TRIM35: variants seen among roughly 807,000 people sequenced by gnomAD.
TRIM35 encodes the protein E3 ubiquitin-protein ligase TRIM35.
Under a neutral mutation model 49.1 loss-of-function variants are expected in TRIM35, and 37 were observed. The observed-to-expected ratio is 0.75, with a 90% CI of 0.58 to 0.99. The LOEUF (loss-of-function observed/expected upper bound fraction) is 0.99, where lower values mean the gene tolerates loss of function less well. Ranked by LOEUF, TRIM35 falls within the 50% of genes least tolerant of loss-of-function variation. The probability of loss-of-function intolerance (pLI) is 0.00; values close to 1 mark genes in which losing one functional copy is unlikely to be tolerated. For synonymous variants in TRIM35, 302 were observed against 289.3 expected (o/e 1.04, Z -0.45); for missense variants, 648 against 702.7 (o/e 0.92, Z 0.88).
rs1802859334 is a variant in TRIM35 at position 27,309,573 on chromosome 8, C to T, written c.435+1228G>A. 2.0e-5 allele frequency among the ~76,000 whole-genome samples: 3 copies of T among 152,204 alleles called. No homozygotes were observed. The South Asian group carries it at 6.2e-4, about 31-fold the overall frequency. ...GCACAGGGGACTCGGGCAGCTCCTCCTCTCCAGTCCATGCAGCTTCGGGCC... is the reference window on the plus strand; with the variant it reads ...GCACAGGGGACTCGGGCAGCTCCTCTTCTCCAGTCCATGCAGCTTCGGGCC... On this transcript the variant is annotated intron_variant, in intron 1 of 5. Coordinates refer to ENST00000305364, the MANE Select transcript of TRIM35 (RefSeq NM_171982.5).
intron 2 of TRIM35, among the ~76,000 whole-genome samples, chr8:27,296,224 G>A (rs1015287493): frequency 4.0e-5 from 6 of 150,358 alleles, no homozygotes; most frequent in African/African-American, 1.2e-4. Flanking sequence ...TGTTACATAG[G>A]TAAATGTGCG....
chr8:27,305,355 C>T (rs763714084), intron 1 of TRIM35, among the ~76,000 whole-genome samples: 7 of 152,252 alleles, frequency 4.6e-5, no homozygotes, highest in Non-Finnish European at 8.8e-5. Flanking sequence ...TGCCATGCAG[C>T]CCACTGCTGG....
intron 1 of TRIM35, among the ~76,000 whole-genome samples, chr8:27,308,189 C>A (rs1802826720): frequency 6.7e-6 from 1 of 150,212 alleles, no homozygotes; most frequent in Non-Finnish European, 1.5e-5. Flanking sequence ...CCTCCAGAAC[C>A]ATAAGAGAAC....
intron 1 of TRIM35, 127 bp downstream of exon 1, chr8:27,310,674 C>T: frequency 3.6e-6 from 4 of 1,112,364 alleles, no homozygotes; most frequent in Non-Finnish European, 3.8e-6. Context: ...GAGGTGGGGT[C>T]CTGCATGCTG....
chr8:27,304,131 T>C (rs898977109), intron 1 of TRIM35, among the ~76,000 whole-genome samples: 7 of 152,236 alleles, frequency 4.6e-5, no homozygotes, highest in Non-Finnish European at 7.3e-5. Context: ...CAATTGCATA[T>C]TGAAGATCTT....
At chr8:27,290,818 AAAG>A (rs920620343) in intron 3 of TRIM35, among the ~76,000 whole-genome samples, 4 of 152,194 alleles carry the variant, frequency 2.6e-5, no homozygotes, top group African/African-American at 7.2e-5. Flanking sequence ...CCATCTTGAA[AAAG>A]AAGAACATTG....
At chr8:27,300,171 G>C (rs1802654204) in intron 1 of TRIM35, among the ~76,000 whole-genome samples, 1 of 152,182 alleles carries the variant, frequency 6.6e-6, no homozygotes, top group Non-Finnish European at 1.5e-5. Context: ...AGCCCGTGAA[G>C]ACCTGAATCC....
chr8:27,310,635 A>G (rs1802911372), intron 1 of TRIM35, among the ~76,000 whole-genome samples, 166 bp downstream of exon 1: 1 of 152,238 alleles, frequency 6.6e-6, no homozygotes, highest in African/African-American at 2.4e-5. Context: ...ACCTTGAAGA[A>G]GCAGCCAGCC....
intron 2 of TRIM35, among the ~76,000 whole-genome samples, chr8:27,297,878 T>G (rs993552213): frequency 6.6e-6 from 1 of 152,054 alleles, no homozygotes; most frequent in African/African-American, 2.4e-5. Context: ...TGGTAAGGAA[T>G]CTGGGTGGTA....
rs1411375400 is a variant in TRIM35 at position 27,287,343 on chromosome 8, A to G, written c.*207T>C. The G allele has an allele frequency of 2.3e-5, 13 of 559,026 alleles. No homozygotes were observed. The highest frequency in any genetic ancestry group is 4.6e-4 in the Middle Eastern group (1 of 2,162). The allele number at this position is 559,026 out of a possible 1,614,324, so 34.6% of individuals were successfully genotyped here. Reference sequence around the variant, plus strand: ...GGGAGAGCCTGGCCAGCGAGGTGCCACCCGAATAGCTCCTGACCATGGGCA... The same window carrying G: ...GGGAGAGCCTGGCCAGCGAGGTGCCGCCCGAATAGCTCCTGACCATGGGCA... On this transcript the variant is annotated 3_prime_UTR_variant, in exon 6 of 6. Coordinates refer to ENST00000305364, the MANE Select transcript of TRIM35 (RefSeq NM_171982.5). The surrounding 1 kb of genome is among the most constrained non-coding windows in gnomAD (Gnocchi z 6.0).
At chr8:27,302,439 C>T (rs1344340588) in intron 1 of TRIM35, among the ~76,000 whole-genome samples, 6 of 152,122 alleles carry the variant, frequency 3.9e-5, no homozygotes, top group Non-Finnish European at 7.3e-5. Flanking sequence ...CAGGGTCCCC[C>T]TCTGTCACCC....
chr8:27,297,232 C>T (rs1417137941), intron 2 of TRIM35, among the ~76,000 whole-genome samples: 58 of 152,212 alleles, frequency 3.8e-4, no homozygotes. Context: ...GAGGGGACCG[C>T]AGGCTCCTGA....
intron 1 of TRIM35, among the ~76,000 whole-genome samples, chr8:27,299,660 G>A (rs544559013): frequency 4.3e-4 from 66 of 152,266 alleles, no homozygotes; most frequent in African/African-American, 1.2e-3. Context: ...GCTAAATGTC[G>A]GGGTGACTGG....
chr8:27,302,886 G>T (rs569363976), intron 1 of TRIM35, among the ~76,000 whole-genome samples: 2 of 152,220 alleles, frequency 1.3e-5, no homozygotes, highest in African/African-American at 2.4e-5. Context: ...TGCCAGTTTT[G>T]CTTCCCTTCT....
At chr8:27,303,950 T>C (rs1447791520) in intron 1 of TRIM35, among the ~76,000 whole-genome samples, 1 of 152,212 alleles carries the variant, frequency 6.6e-6, no homozygotes, top group African/African-American at 2.4e-5. Context: ...CGCCTCGGCA[T>C]CCCAAAATGC....
chr8:27,287,618 C>A lies in TRIM35; in HGVS notation c.1414G>T (p.Ala472Ser). Residue 472 changes from alanine to serine, a missense_variant, in exon 6 of 6, where the codon GCC becomes TCC. Physicochemically the swap from Ala to Ser is moderately conservative, Grantham distance 99. Transcript: ENST00000305364. The surrounding 1 kb of genome is among the most constrained non-coding windows in gnomAD (Gnocchi z 6.0). ...ATGCGCAAAGGCTCTGGAGGCCCGG[C>A]GCCCCGTGCACCCCCCAGGTAGAAG... ...PYFYLGGARG[A>S]GPPEPLRICP... is the part of the protein sequence containing the mutation. The A allele has an allele frequency of 1.9e-6, 3 of 1,606,682 alleles. No homozygotes were observed. The highest frequency in any genetic ancestry group is 8.5e-7 in the Non-Finnish European group (1 of 1,176,594).
rs374055302 is a variant in TRIM35 at position 27,298,520 on chromosome 8, C to T, written c.475G>A (p.Ala159Thr). The change falls in exon 2 of 6, where the codon GCC becomes ACC. Residue 159 changes from alanine (A) to threonine (T), a missense_variant. Transcript: ENST00000305364. ...CGCCGCATGGCCCAGAAGGCCTTGG[C>T]CTTCTCCCGCAGTGCATGCTCCATG... ...RNMEHALREK[A>T]KAFWAMRRSY... is the part of the protein sequence containing the mutation. 5.0e-6 allele frequency: 8 copies of T among 1,614,200 alleles called. No individual in the cohort carries two copies. In the Admixed American group the frequency reaches 6.7e-5, roughly 13 times the overall value.
chr8:27,300,665 CTGTTT>C (rs1339791394), intron 1 of TRIM35, among the ~76,000 whole-genome samples: 1 of 152,158 alleles, frequency 6.6e-6, no homozygotes, highest in Non-Finnish European at 1.5e-5. Flanking sequence ...TTCTGCAGTT[CTGTTT>C]TATTTTCAAC....
At position 27,310,941 on chromosome 8, in the gene TRIM35, G is replaced by T. The variant is rs1586062023; in HGVS notation, c.295C>A (p.Arg99Ser). The T allele has an allele frequency of 6.2e-7, 1 of 1,612,596 alleles. No individual in the cohort carries two copies. Among genetic ancestry groups the T allele is most frequent in the Non-Finnish European group, 8.5e-7 (1 of 1,179,728 alleles). Residue 99 changes from arginine to serine, a missense_variant, in exon 1 of 6, where the codon CGT (arginine) becomes AGT (serine). Coordinates refer to ENST00000305364, the MANE Select transcript of TRIM35 (RefSeq NM_171982.5). Reference protein sequence around the residue: ...GARWTSYRFSRVCRLHRGQLS... With the variant: ...GARWTSYRFSSVCRLHRGQLS... ...TGTCCGCGGTGCAGGCGGCAGACAC[G>T]CGAGAAGCGGTAGCTGGTCCAGCGC...
Sources: allele counts gnomAD v4.1 joint callset (sites outside exome capture counted in the v4.1 genomes callset), GRCh38; gene constraint gnomAD v4.1.1; non-coding constraint Gnocchi (gnomAD v3.1); transcripts MANE v1.5; gene names NCBI Gene and HGNC (gene_info 2026-07-23, HGNC 2026-07-21).